The following LRRC7 variants were observed in gnomAD, a reference collection of about 807,000 sequenced individuals.
LRRC7 encodes leucine rich repeat containing 7.
LRRC7 carries 23 observed loss-of-function variants against 175.7 expected under a neutral mutation model. The observed-to-expected ratio is 0.13, with a 90% CI of 0.09 to 0.19. LRRC7 has a LOEUF of 0.19. Ranked by LOEUF, LRRC7 falls within the 10% of genes least tolerant of loss-of-function variation. LRRC7 has a pLI of 1.00. For missense variants in LRRC7, 1,354 were observed against 1,904.7 expected, an observed-to-expected ratio of 0.71 and a Z score of 5.38; for synonymous variants, 685 against 680.9, an observed-to-expected ratio of 1.01 and a Z score of -0.09.
chr1:69,792,328 G>A (rs1293696513), intron 4 of LRRC7, among the ~76,000 whole-genome samples, 168 bp downstream of exon 4: 2 of 152,080 alleles, frequency 1.3e-5, no homozygotes, highest in East Asian at 1.9e-4. Context: ...CAAGACAGAC[G>A]TCCTGTCTCT....
intron 7 of LRRC7, chr1:69,874,643 C>T (rs1480539392): frequency 2.0e-5 from 3 of 151,788 alleles, no homozygotes; most frequent in Admixed American, 2.0e-4. Flanking sequence ...TTTTGTAAAA[C>T]CTATGCTATG....
At chr1:69,951,804 A>T (rs1649965145) in intron 8 of LRRC7, among the ~76,000 whole-genome samples, 1 of 152,064 alleles carries the variant, frequency 6.6e-6, no homozygotes, top group African/African-American at 2.4e-5. Flanking sequence ...GGAGGGTGGG[A>T]GAAGGGAGAA....
rs191514580 is a variant in LRRC7, at chr1:69,644,907, A to G, written c.3-33474A>G. On this transcript the variant is annotated intron_variant, in intron 1 of 26. Transcript: ENST00000651989. ...CATCAAAATAAATGCAGAAAAAAGCATTTGACAAATTAAATAACCTTTAGT... is the reference window on the plus strand; with the variant it reads ...CATCAAAATAAATGCAGAAAAAAGCGTTTGACAAATTAAATAACCTTTAGT... 3.9e-4 allele frequency among the ~76,000 whole-genome samples: 59 copies of G among 152,162 alleles called. 1 individual carries two copies. The East Asian group carries it at 0.011, about 27-fold the overall frequency.
intron 7 of LRRC7, among the ~76,000 whole-genome samples, chr1:69,912,000 T>C (rs541061640): frequency 1.3e-5 from 2 of 152,226 alleles, no homozygotes; most frequent in African/African-American, 2.4e-5. Flanking sequence ...AGCATTTACA[T>C]TGTATCATGT....
chr1:69,632,478 A>G (rs755606154), intron 1 of LRRC7, among the ~76,000 whole-genome samples: 46 of 152,138 alleles, frequency 3.0e-4, no homozygotes, highest in Admixed American at 2.2e-3. Context: ...ATTTTATGTA[A>G]TTAGAGAGAT....
intron 2 of LRRC7, among the ~76,000 whole-genome samples, chr1:69,684,771 G>A (rs11209519): frequency 1.3e-5 from 2 of 151,982 alleles, no homozygotes; most frequent in African/African-American, 4.8e-5. Context: ...AAGCCTACTC[G>A]CTCAGTCCAG....
Position 69,718,181 on chromosome 1 carries a change from A to AAAGAAAGAAAGAAAGAAAGAAAG in LRRC7, c.100+39705_100+39706insGAAAGAAAGAAAGAAAGAAAGAA, listed in dbSNP as rs1491074856. On this transcript the variant is annotated intron_variant, in intron 2 of 26. Transcript: ENST00000651989. Reference sequence around the variant, plus strand: ...GAAAGAAAGAAAGAAAGAAGAAAAGAAAAGAAAGAGAGAGAGAAAGAAACA... The same window carrying AAAGAAAGAAAGAAAGAAAGAAAG: ...GAAAGAAAGAAAGAAAGAAGAAAAGAAAGAAAGAAAGAAAGAAAGAAAGAAAGAAAGAGAGAGAGAAAGAAACA... Among the ~76,000 whole-genome samples the AAAGAAAGAAAGAAAGAAAGAAAG allele has an allele frequency of 2.8e-4, 28 of 98,430 alleles. 1 individual carries two copies. The East Asian group carries it at 4.3e-3, about 15-fold the overall frequency. The allele number at this position is 98,430 out of a possible 152,430, so 64.6% of individuals were successfully genotyped here.
At chr1:69,596,060 G>A (rs1646832346) in intron 1 of LRRC7, among the ~76,000 whole-genome samples, 1 of 151,844 alleles carries the variant, frequency 6.6e-6, no homozygotes, top group Non-Finnish European at 1.5e-5. Context: ...CTCACAGGAC[G>A]ATGATACCTG....
At chr1:69,891,757 A>G (rs988507308) in intron 7 of LRRC7, among the ~76,000 whole-genome samples, 1 of 152,196 alleles carries the variant, frequency 6.6e-6, no homozygotes, top group Non-Finnish European at 1.5e-5. Flanking sequence ...ATCACTGATT[A>G]TAAATAAACA....
At chr1:70,036,759 T>C (rs1192681509) in intron 20 of LRRC7, 135 bp downstream of exon 20, 3 of 902,250 alleles carry the variant, frequency 3.3e-6, no homozygotes, top group Non-Finnish European at 4.9e-6. Flanking sequence ...GGTAAGCAAA[T>C]GTTGTTCGCC....
At chr1:69,903,419 T>G (rs1016876850) in intron 7 of LRRC7, among the ~76,000 whole-genome samples, 12 of 152,164 alleles carry the variant, frequency 7.9e-5, no homozygotes, top group African/African-American at 2.9e-4. Flanking sequence ...TGAAGGACTG[T>G]GCCGTGAGGG....
At chr1:69,666,955 CCTT>C (rs1022566258) in intron 1 of LRRC7, among the ~76,000 whole-genome samples, 3 of 151,954 alleles carry the variant, frequency 2.0e-5, no homozygotes, top group African/African-American at 7.2e-5. Context: ...CTATAAACTT[CCTT>C]CTTGGTACTG....
At chr1:69,649,735 CT>C (rs1207585254) in intron 1 of LRRC7, among the ~76,000 whole-genome samples, 2 of 152,074 alleles carry the variant, frequency 1.3e-5, no homozygotes, top group Non-Finnish European at 2.9e-5. Context: ...AGACAGGCTC[CT>C]AAGCCTGGTT....
At chr1:69,569,148 C>T (rs763658902) in intron 1 of LRRC7, among the ~76,000 whole-genome samples, 7 of 151,438 alleles carry the variant, frequency 4.6e-5, no homozygotes, top group Middle Eastern at 3.4e-3. Flanking sequence ...ATCAATGTCT[C>T]GATGTCTGTT....
chr1:69,950,321 G>A (rs1364820773), intron 8 of LRRC7, among the ~76,000 whole-genome samples: 2 of 152,008 alleles, frequency 1.3e-5, no homozygotes, highest in Non-Finnish European at 2.9e-5. Flanking sequence ...AGAAATAATT[G>A]AAAGGTAAAT....
chr1:70,009,529 C>T (rs942540704), intron 11 of LRRC7, among the ~76,000 whole-genome samples: 3 of 151,846 alleles, frequency 2.0e-5, no homozygotes, highest in African/African-American at 7.3e-5. Context: ...CAAATTTAAC[C>T]GGTTTACTGA....
intron 2 of LRRC7, among the ~76,000 whole-genome samples, chr1:69,689,749 A>T (rs1661607638): frequency 6.6e-6 from 1 of 152,186 alleles, no homozygotes; most frequent in East Asian, 1.9e-4. Flanking sequence ...ATTATCTCTA[A>T]TAGTAAGCTA....
chr1:69,792,144 C>A lies in LRRC7; in HGVS notation c.405C>A (p.Leu135=). The change falls in exon 4 of 27, where the codon CTC becomes CTA. Residue 135 remains leucine, a synonymous_variant. Coordinates refer to ENST00000651989, the MANE Select transcript of LRRC7 (RefSeq NM_001370785.2). ...TIASLVNLKE[L]DISKNGVQEF... Reference sequence around the variant, plus strand: ...CTAGTTTAGTTAATCTTAAAGAACTCGACATCAGTAAAAATGGTAAGATTT... The same window carrying A: ...CTAGTTTAGTTAATCTTAAAGAACTAGACATCAGTAAAAATGGTAAGATTT... 6.3e-7 allele frequency: 1 copy of A among 1,584,494 alleles called. No individual in the cohort carries two copies. The highest frequency in any genetic ancestry group is 1.1e-5 in the South Asian group (1 of 87,876).
At position 69,698,469 on chromosome 1, in the gene LRRC7, A is replaced by G. The variant is rs141252508; in HGVS notation, c.100+19991A>G. ...AGCAATGGCTCTCGCCAAAGCTACA[A>G]TTAACTAAATGAATAAGAAGCTTCC... On this transcript the variant is annotated intron_variant, in intron 2 of 26. Transcript: ENST00000651989. Among the ~76,000 whole-genome samples, 422 of 152,356 alleles carry G rather than the reference A, an allele frequency of 2.8e-3. 2 individuals carry two copies. The highest frequency in any genetic ancestry group is 9.7e-3 in the African/African-American group (404 of 41,590).
Sources: gnomAD v4.1 joint callset for allele counts (sites outside exome capture counted in the v4.1 genomes callset) on GRCh38, gnomAD v4.1.1 for gene constraint, MANE v1.5 for transcripts, NCBI Gene and HGNC (gene_info 2026-07-23, HGNC 2026-07-21) for gene names.